PCDH11X: variants seen among roughly 807,000 people sequenced by gnomAD.
The protein encoded by PCDH11X is protocadherin-11 X-linked.
PCDH11X carries 18 observed loss-of-function variants against 53.3 expected under a neutral mutation model. The observed-to-expected ratio is 0.34, with a 90% CI of 0.23 to 0.50. The LOEUF is 0.50. PCDH11X is among the 20% of genes least tolerant of loss of function. PCDH11X has a pLI of 0.98. For synonymous variants in PCDH11X, 279 were observed against 393.3 expected (o/e 0.71, Z 3.44); for missense variants, 570 against 1,032.4 (o/e 0.55, Z 6.14).
intron 1 of PCDH11X, among the ~76,000 whole-genome samples, chrX:91,784,110 G>A (rs1025084181): frequency 8.9e-6 from 1 of 112,062 alleles, no homozygotes; most frequent in Non-Finnish European, 1.9e-5. Context: ...TGTGTGTTTT[G>A]TAGACCTAGA....
chrX:92,016,588 A>AT (rs112187302), intron 6 of PCDH11X, among the ~76,000 whole-genome samples: 45 of 101,507 alleles, frequency 4.4e-4, no homozygotes, highest in East Asian at 1.6e-3. Flanking sequence ...TGCTAACTTC[A>AT]TTTTTTTTTT....
chrX:91,875,527 G>GT (rs1416833668), intron 5 of PCDH11X, among the ~76,000 whole-genome samples: 1 of 108,227 alleles, frequency 9.2e-6, no homozygotes, highest in Non-Finnish European at 1.9e-5. Flanking sequence ...TCCTGACCTC[G>GT]TGATCCGCCC....
At chrX:91,849,229 C>A (rs1937869086) in intron 5 of PCDH11X, among the ~76,000 whole-genome samples, 1 of 111,177 alleles carries the variant, frequency 9.0e-6, no homozygotes, top group African/African-American at 3.3e-5. Context: ...GTTGAAAATG[C>A]AAATTACTTA....
chrX:92,273,403 G>A (rs371685865), intron 8 of PCDH11X, among the ~76,000 whole-genome samples: 230 of 111,391 alleles, frequency 2.1e-3, no homozygotes, highest in Middle Eastern at 0.014. Context: ...CAGTTAAGGC[G>A]GGGCAGGGCC....
intron 6 of PCDH11X, among the ~76,000 whole-genome samples, chrX:91,917,569 CAAAAAAAAA>C (rs59199030): frequency 1.9e-4 from 3 of 15,891 alleles, no homozygotes; most frequent in Non-Finnish European, 3.0e-4. Context: ...ACAGCAGCTG[CAAAAAAAAA>C]AAAAAAAAAA....
At chrX:91,808,111 A>T (rs1936177592) in intron 1 of PCDH11X, among the ~76,000 whole-genome samples, 1 of 111,883 alleles carries the variant, frequency 8.9e-6, no homozygotes, top group Non-Finnish European at 1.9e-5. Context: ...AATAAACATT[A>T]ATCCACAGAG....
At chrX:92,117,261 A>G (rs2064657801) in intron 6 of PCDH11X, among the ~76,000 whole-genome samples, 1 of 108,990 alleles carries the variant, frequency 9.2e-6, no homozygotes, top group East Asian at 2.9e-4. Flanking sequence ...ACATAGCAAA[A>G]CCCCGTCTCT....
intron 6 of PCDH11X, among the ~76,000 whole-genome samples, chrX:91,971,468 T>C (rs933868234): frequency 1.8e-5 from 2 of 108,969 alleles, no homozygotes; most frequent in African/African-American, 6.7e-5. Flanking sequence ...AGACAATGAA[T>C]CCAGTCTGGA....
chrX:91,871,954 T>C (rs1038090803), intron 5 of PCDH11X, among the ~76,000 whole-genome samples: 13 of 111,334 alleles, frequency 1.2e-4, no homozygotes, highest in African/African-American at 4.2e-4. Context: ...TCAACCTGAA[T>C]TGGCACTTTT....
At chrX:92,235,030 C>A (rs2148375913) in intron 7 of PCDH11X, among the ~76,000 whole-genome samples, 1 of 109,611 alleles carries the variant, frequency 9.1e-6, no homozygotes, top group East Asian at 2.9e-4. Flanking sequence ...ATTGAAAGTC[C>A]ATATGATTAC....
Position 92,602,163 on chromosome X carries a change from G to A in PCDH11X, c.3368-16101G>A, listed in dbSNP as rs1926303138. Among the ~76,000 whole-genome samples the A allele has an allele frequency of 2.7e-5, 3 of 111,063 alleles. No homozygotes were observed. In the Admixed American group the frequency reaches 2.9e-4, roughly 11 times the overall value. ...GCCCAGGGGATGATAAATACAGAGA[G>A]CTCCAAAGCTATCCTCAAGAGAAGG... On this transcript the variant is annotated intron_variant, in intron 10 of 10. Transcript: ENST00000682573.
At chrX:92,191,568 C>CT (rs1273783509) in intron 6 of PCDH11X, among the ~76,000 whole-genome samples, 1 of 112,082 alleles carries the variant, frequency 8.9e-6, no homozygotes, top group Non-Finnish European at 1.9e-5. Flanking sequence ...GTCTAGCATA[C>CT]TTTTTAATTA....
At chrX:92,540,859 G>C (rs1245565913) in intron 10 of PCDH11X, among the ~76,000 whole-genome samples, 1 of 108,215 alleles carries the variant, frequency 9.2e-6, no homozygotes, top group African/African-American at 3.4e-5. Context: ...CTGTGAGCCA[G>C]AATGGGGACC....
At chrX:92,297,182 C>T (rs1482195046) in intron 8 of PCDH11X, among the ~76,000 whole-genome samples, 6 of 110,545 alleles carry the variant, frequency 5.4e-5, no homozygotes, top group Non-Finnish European at 1.1e-4. Flanking sequence ...ATTTTTTTGT[C>T]ATAATTGCTT....
At chrX:91,997,258 T>G (rs1360061390) in intron 6 of PCDH11X, among the ~76,000 whole-genome samples, 2 of 110,190 alleles carry the variant, frequency 1.8e-5, no homozygotes, top group Non-Finnish European at 3.8e-5. Flanking sequence ...CTATGTTGAA[T>G]AGAAGTGGCA....
intron 4 of PCDH11X, among the ~76,000 whole-genome samples, chrX:91,822,075 C>G (rs1254457880): frequency 9.2e-6 from 1 of 109,173 alleles, no homozygotes; most frequent in Non-Finnish European, 1.9e-5. Flanking sequence ...ATTTGTTTTG[C>G]CACTATTTTA....
In PCDH11X at chrX:92,069,252, G is replaced by A. The variant is rs903966275; in HGVS notation, c.3034-132123G>A. 1.0e-4 allele frequency among the ~76,000 whole-genome samples: 11 copies of A among 108,479 alleles called. No individual in the cohort carries two copies. The South Asian group carries it at 1.2e-3, about 12-fold the overall frequency. 94.2% of individuals were successfully genotyped at this position (108,479 alleles called of 115,157 possible). On this transcript the variant is annotated intron_variant, in intron 6 of 10. Transcript: ENST00000682573. ...ACCATTATTGTGTTTTATACTTTTC[G>A]TCTTTAAATCTGTTTTGTCTAATGT...
Position 92,013,528 on chromosome X carries a change from A to G in PCDH11X, c.3033+134255A>G, listed in dbSNP as rs183388791. 3.9e-3 allele frequency among the ~76,000 whole-genome samples: 432 copies of G among 111,777 alleles called. 1 individual carries two copies. The highest frequency in any genetic ancestry group is 0.013 in the African/African-American group (412 of 30,747). ...GACTTTCTTCACAGAATTGGAAAAA[A>G]CTACTTTAAAGTTCATTTGGAACCA... On this transcript the variant is annotated intron_variant, in intron 6 of 10. Coordinates refer to ENST00000682573, the MANE Select transcript of PCDH11X (RefSeq NM_032968.5).
intron 9 of PCDH11X, among the ~76,000 whole-genome samples, chrX:92,429,366 G>A (rs975778256): frequency 3.6e-5 from 4 of 109,957 alleles, no homozygotes; most frequent in Non-Finnish European, 7.6e-5. Flanking sequence ...TAGCACAGAT[G>A]AGACAGCTAG....
Sources: allele counts gnomAD v4.1 joint callset (sites outside exome capture counted in the v4.1 genomes callset), GRCh38; gene constraint gnomAD v4.1.1; transcripts MANE v1.5; gene names NCBI Gene and HGNC (gene_info 2026-07-23, HGNC 2026-07-21).